The following SLC35A3 variants were observed in gnomAD, a reference collection of about 807,000 sequenced individuals.
The protein encoded by SLC35A3 is UDP-N-acetylglucosamine transporter.
SLC35A3 carries 26 observed loss-of-function variants against 39.0 expected under a neutral mutation model. That is an observed-to-expected ratio of 0.67 (90% confidence interval 0.49 to 0.92). The LOEUF (loss-of-function observed/expected upper bound fraction) is 0.92. SLC35A3 is among the 40% of genes least tolerant of loss of function. SLC35A3 has a pLI of 0.00. For missense variants in SLC35A3, 299 were observed against 371.6 expected (o/e 0.80, Z 1.61); for synonymous variants, 135 against 133.1 (o/e 1.01, Z -0.10).
chr1:99,977,338 C>T (rs964991064), intron 1 of SLC35A3, among the ~76,000 whole-genome samples: 2 of 133,986 alleles, frequency 1.5e-5, no homozygotes, highest in African/African-American at 3.0e-5. Context: ...ACGAACATCG[C>T]GAAACTCCGT....
At chr1:99,999,208 T>A in intron 2 of SLC35A3, 53 bp from the exon 3 acceptor site, 2 of 1,153,978 alleles carry the variant, frequency 1.7e-6, no homozygotes. Flanking sequence ...AGAGCAGATA[T>A]GTAACTTATT....
In SLC35A3 at chr1:100,032,347, A is replaced by G. The variant is rs1661285471; in HGVS notation, c.*9871A>G. The G allele has an allele frequency of 6.6e-6, 1 of 151,700 alleles. No individual in the cohort carries two copies. The highest frequency in any genetic ancestry group is 6.6e-5 in the Admixed American group (1 of 15,256). The allele number at this position is 151,700 out of a possible 1,614,324, so 9.4% of individuals were successfully genotyped here. The stretch of plus-strand genomic sequence containing the variant: ...TTTTTTAGTGCTCTAAATTTCTTCT[A>G]CATTTATTAGTTTATATTCTTTTTT... On this transcript the variant is annotated 3_prime_UTR_variant, in exon 8 of 8. Transcript: ENST00000533028.
At chr1:100,000,520 GTGTC>G (rs1235149855) in intron 3 of SLC35A3, 2 of 152,016 alleles carry the variant, frequency 1.3e-5, no homozygotes, top group East Asian at 3.9e-4. Flanking sequence ...TCTACAGATT[GTGTC>G]TGTATTTTTT....
At chr1:99,972,687 A>G (rs1390569891) in intron 1 of SLC35A3, among the ~76,000 whole-genome samples, 1 of 152,196 alleles carries the variant, frequency 6.6e-6, no homozygotes, top group African/African-American at 2.4e-5. Context: ...ATCATGATGT[A>G]TTAGACTCTT....
intron 6 of SLC35A3, among the ~76,000 whole-genome samples, chr1:100,016,145 A>G (rs1414102937): frequency 1.3e-5 from 2 of 149,252 alleles, no homozygotes; most frequent in African/African-American, 5.0e-5. Flanking sequence ...TCTCACTGTA[A>G]TCTCCACCTC....
intron 3 of SLC35A3, among the ~76,000 whole-genome samples, chr1:100,004,886 A>C (rs1393016577): frequency 6.6e-6 from 1 of 151,290 alleles, no homozygotes; most frequent in Non-Finnish European, 1.5e-5. Context: ...CCACAATCGC[A>C]CTCTACCATG....
chr1:100,008,393 A>T (rs1364670623), intron 4 of SLC35A3: 1 of 152,234 alleles, frequency 6.6e-6, no homozygotes, highest in Non-Finnish European at 1.5e-5. Flanking sequence ...GAAAGTTATT[A>T]ATAGTTCAGG....
chr1:100,002,183 G>T lies in SLC35A3; in HGVS notation c.342+2768G>T, dbSNP rs568279853. On this transcript the variant is annotated intron_variant, in intron 3 of 7. Coordinates refer to ENST00000533028, the MANE Select transcript of SLC35A3 (RefSeq NM_012243.3). ...TGATTTTTTTGGAATAGTTTGAGGA[G>T]AATTGGTGTTAGTTCTTCTTTATAA... 2.0e-5 allele frequency among the ~76,000 whole-genome samples: 3 copies of T among 152,302 alleles called. No individual in the cohort carries two copies. The South Asian group carries it at 6.2e-4, about 32-fold the overall frequency.
Position 100,028,999 on chromosome 1 carries a change from ACTC to A in SLC35A3, c.*6526_*6528del, listed in dbSNP as rs1324542058. 1.2e-4 allele frequency: 18 copies of A among 152,194 alleles called. No homozygotes were observed. Among genetic ancestry groups the A allele is most frequent in the African/African-American group, 4.1e-4 (17 of 41,426 alleles). The allele number at this position is 152,194 out of a possible 1,614,324, so 9.4% of individuals were successfully genotyped here. ...TGTAGCGTCATGGAAGGTGTTATCT[ACTC>A]CTGACCACAATGTTTGACAGTACAC... On this transcript the variant is annotated 3_prime_UTR_variant, in exon 8 of 8. Coordinates refer to ENST00000533028, the MANE Select transcript of SLC35A3 (RefSeq NM_012243.3).
intron 7 of SLC35A3, among the ~76,000 whole-genome samples, chr1:100,019,311 G>A (rs1660369141): frequency 6.6e-6 from 1 of 151,964 alleles, no homozygotes; most frequent in South Asian, 2.1e-4. Context: ...GTAAATTCAC[G>A]TTTCTGAGGA....
Position 100,026,981 on chromosome 1 carries a change from C to A in SLC35A3, c.*4505C>A. ...TTTTCATAAAGAACTCTATACAAATCTTTTTCTATATTTCCTTATTTTCCT... is the reference window on the plus strand; with the variant it reads ...TTTTCATAAAGAACTCTATACAAATATTTTTCTATATTTCCTTATTTTCCT... On this transcript the variant is annotated 3_prime_UTR_variant, in exon 8 of 8. Transcript: ENST00000533028. 2.6e-6 allele frequency: 1 copy of A among 389,770 alleles called. No individual in the cohort carries two copies. The highest frequency in any genetic ancestry group is 3.6e-5 in the East Asian group (1 of 27,488). The allele number at this position is 389,770 out of a possible 1,614,324, so 24.1% of individuals were successfully genotyped here.
At chr1:99,993,797 T>C in intron 2 of SLC35A3, 56 bp downstream of exon 2, 1 of 1,459,998 alleles carries the variant, frequency 6.8e-7, no homozygotes, top group East Asian at 2.3e-5. Context: ...TTTGCATATA[T>C]ATATTGGTAA....
At position 99,983,316 on chromosome 1, in the gene SLC35A3, G is replaced by A. The variant is rs929750966; in HGVS notation, c.-18-10221G>A. 1.2e-4 allele frequency among the ~76,000 whole-genome samples: 19 copies of A among 152,032 alleles called. No homozygotes were observed. In the South Asian group the frequency reaches 1.9e-3, roughly 15 times the overall value. On this transcript the variant is annotated intron_variant, in intron 1 of 7. Coordinates refer to ENST00000533028, the MANE Select transcript of SLC35A3 (RefSeq NM_012243.3). ...AGCACTTTGGGAGGCCCAGGCGGGCGGATCACAAGGTGAGGAGATGATATC... is the reference window on the plus strand; with the variant it reads ...AGCACTTTGGGAGGCCCAGGCGGGCAGATCACAAGGTGAGGAGATGATATC...
intron 3 of SLC35A3, among the ~76,000 whole-genome samples, chr1:100,002,096 C>G (rs1570601484): frequency 6.6e-6 from 1 of 152,202 alleles, no homozygotes; most frequent in East Asian, 1.9e-4. Context: ...GTGTGCTTGT[C>G]TGGTTGTGAT....
chr1:100,002,357 A>T (rs570713763), intron 3 of SLC35A3, among the ~76,000 whole-genome samples: 14 of 152,052 alleles, frequency 9.2e-5, no homozygotes, highest in South Asian at 6.2e-4. Flanking sequence ...GAATCTATCC[A>T]TTTCTTGTAG....
At chr1:99,973,120 A>G (rs1254251736) in intron 1 of SLC35A3, among the ~76,000 whole-genome samples, 1 of 152,234 alleles carries the variant, frequency 6.6e-6, no homozygotes, top group African/African-American at 2.4e-5. Context: ...GCCATGAAAT[A>G]TAACTTTTGA....
At chr1:99,995,558 G>A (rs1020852808) in intron 2 of SLC35A3, among the ~76,000 whole-genome samples, 2 of 152,066 alleles carry the variant, frequency 1.3e-5, no homozygotes, top group Admixed American at 1.3e-4. Flanking sequence ...ATAATTGCTA[G>A]GTTTTTAGAT....
At chr1:99,970,261 C>T in intron 1 of SLC35A3, 99 bp downstream of exon 1, 1 of 291,088 alleles carries the variant, frequency 3.4e-6, no homozygotes, top group Non-Finnish European at 6.4e-6. Flanking sequence ...AGGAGGCATG[C>T]GAGGGGGCTG....
Position 99,993,635 on chromosome 1 carries a change from C to A in SLC35A3, c.81C>A (p.Ser27=). Residue 27 remains serine, a synonymous_variant, in exon 2 of 8, where the codon TCC becomes TCA. Coordinates refer to ENST00000533028, the MANE Select transcript of SLC35A3 (RefSeq NM_012243.3). ...TTSLVLTMRY[S]RTLKEEGPRY... is the part of the protein sequence containing the mutation. ...GTTTGGTTCTAACAATGCGTTATTC[C>A]AGAACTTTAAAAGAAGAAGGACCTC... 2 of 1,613,878 alleles carry A rather than the reference C, an allele frequency of 1.2e-6. No individual in the cohort carries two copies.
Sources: gnomAD v4.1 joint callset for allele counts (sites outside exome capture counted in the v4.1 genomes callset) on GRCh38, gnomAD v4.1.1 for gene constraint, MANE v1.5 for transcripts, NCBI Gene and HGNC (gene_info 2026-07-23, HGNC 2026-07-21) for gene names.